SYTL2: variants seen among roughly 807,000 people sequenced by gnomAD.
The protein encoded by SYTL2 is synaptotagmin like 2.
SYTL2 carries 165 observed loss-of-function variants against 198.7 expected under a neutral mutation model. The ratio of observed to expected loss-of-function variants is 0.83; its 90% CI spans 0.73 to 0.94. The LOEUF (loss-of-function observed/expected upper bound fraction) is 0.94. Among genes scored for constraint, SYTL2 ranks in the 40% least tolerant of loss-of-function variants. The pLI, the probability that SYTL2 is intolerant of heterozygous loss-of-function variation, is 0.00. For synonymous variants in SYTL2, 966 were observed against 917.7 expected, an observed-to-expected ratio of 1.05 and a Z score of -0.95; for missense variants, 2,835 against 2,582.8, an observed-to-expected ratio of 1.10 and a Z score of -2.12.
upstream of SYTL2, among the ~76,000 whole-genome samples, chr11:85,816,107 G>A (rs1184788535): frequency 6.6e-6 from 1 of 152,164 alleles, no homozygotes; most frequent in Non-Finnish European, 1.5e-5. Context: ...GGAGGTTGCA[G>A]TGAGCCGAGA....
intron 4 of SYTL2, 66 bp downstream of exon 4, chr11:85,745,571 T>C: frequency 1.3e-6 from 2 of 1,551,746 alleles, no homozygotes; most frequent in African/African-American, 2.7e-5. Context: ...CCTGCCATTC[T>C]GCCCATGTGA....
the SYTL2 span, among the ~76,000 whole-genome samples, chr11:85,851,948 G>C: frequency 6.6e-6 from 1 of 152,202 alleles, no homozygotes; most frequent in Non-Finnish European, 1.5e-5. Context: ...CAGATGTGTA[G>C]ATCATAGCAA....
intron 7 of SYTL2, among the ~76,000 whole-genome samples, chr11:85,732,187 T>A (rs749897319): frequency 2.0e-5 from 3 of 152,214 alleles, no homozygotes; most frequent in Admixed American, 6.5e-5. Context: ...AGTGTGGTGA[T>A]TCCTCAAGGA....
Position 85,757,617 on chromosome 11 carries a change from C to T in SYTL2, c.101+8G>A. 1 of 1,613,458 alleles carries T rather than the reference C, an allele frequency of 6.2e-7. No individual in the cohort carries two copies. The highest frequency in any genetic ancestry group is 8.5e-7 in the Non-Finnish European group (1 of 1,179,726). Reference sequence around the variant, plus strand: ...TCCCTCATGCCCAAGGCTTCTCTGGCCTCTTACCTGACTCTCTCTTCTTCG... The same window carrying T: ...TCCCTCATGCCCAAGGCTTCTCTGGTCTCTTACCTGACTCTCTCTTCTTCG... On this transcript the variant is annotated splice_region_variant and intron_variant, in intron 2 of 19. Coordinates refer to ENST00000359152, the MANE Select transcript of SYTL2 (RefSeq NM_206927.4).
chr11:85,745,372 C>T (rs1009191484), intron 4 of SYTL2, among the ~76,000 whole-genome samples: 4 of 152,196 alleles, frequency 2.6e-5, no homozygotes, highest in Admixed American at 6.5e-5. Context: ...GAAATAAAAA[C>T]GGCTCTTGCT....
intron 1 of SYTL2, among the ~76,000 whole-genome samples, chr11:85,763,332 C>G (rs573904522): frequency 6.6e-6 from 1 of 152,308 alleles, no homozygotes; most frequent in Non-Finnish European, 1.5e-5. Flanking sequence ...CATGCCACAT[C>G]TATGAATACT....
rs776396570 is a variant in SYTL2, at chr11:85,724,263, G to A, written c.5095C>T (p.Gln1699Ter). The A allele has an allele frequency of 1.9e-6, 3 of 1,566,582 alleles. No individual in the cohort carries two copies. The highest frequency in any genetic ancestry group is 2.6e-6 in the Non-Finnish European group (3 of 1,162,174). ...SGVAGGQGTLQEPGFGEASEA... is the reference protein window; with the variant it reads ...SGVAGGQGTL ...GAAGCCTCTCCAAAGCCAGGTTCCT[G>A]AAGAGTCCCTTGTCCCCCTGCAACC... Residue 1699 changes from glutamine (Q) to a stop codon, truncating the protein, a stop_gained, in exon 8 of 20, where the codon CAG (glutamine) becomes TAG (stop). Coordinates refer to ENST00000359152, the MANE Select transcript of SYTL2 (RefSeq NM_206927.4). LOFTEE classifies it high-confidence loss of function.
intron 4 of SYTL2, among the ~76,000 whole-genome samples, chr11:85,738,668 T>A (rs1043949464): frequency 1.3e-5 from 2 of 152,190 alleles, no homozygotes; most frequent in Non-Finnish European, 2.9e-5. Flanking sequence ...CTCTTGAATG[T>A]CATTTTTAGA....
At chr11:85,700,329 T>G (rs1402610464) in intron 17 of SYTL2, among the ~76,000 whole-genome samples, 186 bp downstream of exon 17, 2 of 135,870 alleles carry the variant, frequency 1.5e-5, no homozygotes, top group Non-Finnish European at 1.5e-5. Flanking sequence ...TTCTTTTTTT[T>G]TTTTTTTTGC....
intron 1 of SYTL2, among the ~76,000 whole-genome samples, chr11:85,776,181 T>A (rs1566013043): frequency 6.6e-6 from 1 of 152,104 alleles, no homozygotes; most frequent in Non-Finnish European, 1.5e-5. Flanking sequence ...CCTCTAGGAG[T>A]GGAAGCAGCT....
chr11:85,781,895 C>T (rs1440014135), intron 1 of SYTL2, among the ~76,000 whole-genome samples: 2 of 152,238 alleles, frequency 1.3e-5, no homozygotes, highest in Non-Finnish European at 2.9e-5. Flanking sequence ...CTTTCACAGG[C>T]TGGCATTGAG....
intron 8 of SYTL2, among the ~76,000 whole-genome samples, chr11:85,721,993 A>G (rs1026613589): frequency 6.6e-6 from 1 of 152,144 alleles, no homozygotes; most frequent in African/African-American, 2.4e-5. Flanking sequence ...CCCCAAAATT[A>G]CAGTACCCTT....
chr11:85,841,003 C>T, the SYTL2 span, among the ~76,000 whole-genome samples: 1 of 152,064 alleles, frequency 6.6e-6, no homozygotes, highest in Non-Finnish European at 1.5e-5. Flanking sequence ...CAAAAAACAA[C>T]TCCATTAGAA....
chr11:85,695,153 C>G lies in SYTL2; in HGVS notation c.*42G>C, dbSNP rs892637805. 1.3e-6 allele frequency: 2 copies of G among 1,568,818 alleles called. No individual in the cohort carries two copies. Among genetic ancestry groups the G allele is most frequent in the Non-Finnish European group, 1.7e-6 (2 of 1,153,834 alleles). ...TCAGATTTTCAAGATCAGATTCCACCGGTTTAGTAGTTTTCAGTGGAGGAG... is the reference window on the plus strand; with the variant it reads ...TCAGATTTTCAAGATCAGATTCCACGGGTTTAGTAGTTTTCAGTGGAGGAG... On this transcript the variant is annotated 3_prime_UTR_variant, in exon 20 of 20. Transcript: ENST00000359152.
intron 2 of SYTL2, among the ~76,000 whole-genome samples, chr11:85,753,005 G>C (rs2091636712): frequency 7.0e-6 from 1 of 143,214 alleles, no homozygotes; most frequent in Non-Finnish European, 1.5e-5. Context: ...TGGCGGTTGA[G>C]ATCGTATCTA....
chr11:85,703,913 C>T (rs556084910), intron 16 of SYTL2, among the ~76,000 whole-genome samples: 2 of 151,946 alleles, frequency 1.3e-5, no homozygotes, highest in African/African-American at 4.8e-5. Flanking sequence ...ATAATCTCTA[C>T]AGGAACTAAT....
In SYTL2 at chr11:85,725,725, A is replaced by G; in HGVS notation, c.3633T>C (p.Ala1211=). 1 of 1,614,084 alleles carries G rather than the reference A, an allele frequency of 6.2e-7. No homozygotes were observed. Among genetic ancestry groups the G allele is most frequent in the Non-Finnish European group, 8.5e-7 (1 of 1,179,964 alleles). ...HPKVKRNSLT[A]SLDKLLKEAT... Reference sequence around the variant, plus strand: ...CTTCCTTCAGGAGTTTGTCTAGACTAGCAGTCAAAGAGTTCCGTTTAACCT... The same window carrying G: ...CTTCCTTCAGGAGTTTGTCTAGACTGGCAGTCAAAGAGTTCCGTTTAACCT... Residue 1211 remains alanine (A), a synonymous_variant, in exon 8 of 20, where the codon GCT becomes GCC. Transcript: ENST00000359152.
chr11:85,727,582 G>T lies in SYTL2; in HGVS notation c.1776C>A (p.Phe592Leu). The T allele has an allele frequency of 6.5e-7, 1 of 1,536,098 alleles. No homozygotes were observed. The highest frequency in any genetic ancestry group is 8.7e-7 in the Non-Finnish European group (1 of 1,146,878). The change falls in exon 8 of 20, where the codon TTC becomes TTA. Residue 592 changes from phenylalanine to leucine, a missense_variant. Phe to Leu is a conservative substitution (Grantham distance 22, BLOSUM62 0). This residue lies in a region of SYTL2 where 2,645 missense variants were observed against 2,381.7 expected (regional missense o/e 1.11). Coordinates refer to ENST00000359152, the MANE Select transcript of SYTL2 (RefSeq NM_206927.4). ...ELKPVRSDSP[F>L]QAEGDMLVSE... ...AAACCAGCATATCTCCCTCTGCTTG[G>T]AATGGTGAGTCAGATCTCACAGGCT...
At chr11:85,752,040 T>A (rs2091543115) in intron 2 of SYTL2, among the ~76,000 whole-genome samples, 1 of 152,178 alleles carries the variant, frequency 6.6e-6, no homozygotes. Context: ...TTCAACACAT[T>A]TGCCCTCAGC....
Sources: allele counts gnomAD v4.1 joint callset (sites outside exome capture counted in the v4.1 genomes callset), GRCh38; gene constraint gnomAD v4.1.1; regional missense constraint gnomAD v4.1.1; transcripts MANE v1.5; gene names NCBI Gene and HGNC (gene_info 2026-07-23, HGNC 2026-07-21).